ARIH1: variants seen among roughly 807,000 people sequenced by gnomAD.
The protein encoded by ARIH1 is E3 ubiquitin-protein ligase ARIH1.
ARIH1 carries 8 observed loss-of-function variants against 85.0 expected under a neutral mutation model. The observed-to-expected ratio is 0.09, with a 90% CI of 0.06 to 0.17. ARIH1 has a LOEUF of 0.17. Among genes scored for constraint, ARIH1 ranks in the 10% least tolerant of loss-of-function variants. The probability of loss-of-function intolerance (pLI) is 1.00; values close to 1 mark genes in which losing one functional copy is unlikely to be tolerated. For missense variants in ARIH1, 311 were observed against 718.1 expected (o/e 0.43, Z 6.48); for synonymous variants, 238 against 253.6 (o/e 0.94, Z 0.59).
chr15:72,532,192 C>T (rs1478840908), intron 2 of ARIH1, among the ~76,000 whole-genome samples: 2 of 144,488 alleles, frequency 1.4e-5, no homozygotes, highest in Non-Finnish European at 3.0e-5. Flanking sequence ...AGACTGATAA[C>T]GTTGACACTT....
chr15:72,486,447 G>A (rs775375360), intron 1 of ARIH1, among the ~76,000 whole-genome samples: 11 of 151,894 alleles, frequency 7.2e-5, no homozygotes, highest in Non-Finnish European at 1.2e-4. Context: ...GTATAAGTTC[G>A]GTATTACCTA....
At chr15:72,487,943 T>C (rs370682982) in intron 1 of ARIH1, among the ~76,000 whole-genome samples, 1 of 152,212 alleles carries the variant, frequency 6.6e-6, no homozygotes. Flanking sequence ...CCAGTTGCAC[T>C]GTTTGTAATT....
rs1420853481 is a variant in ARIH1, at chr15:72,586,827, T to C, written c.*3535T>C. On this transcript the variant is annotated 3_prime_UTR_variant, in exon 14 of 14. Coordinates refer to ENST00000379887, the MANE Select transcript of ARIH1 (RefSeq NM_005744.5). ...TGTTGTAACAGTGATACAAAAATGTTCAATAGCTCTTTGAATGCCACTTTT... is the reference window on the plus strand; with the variant it reads ...TGTTGTAACAGTGATACAAAAATGTCCAATAGCTCTTTGAATGCCACTTTT... 1.3e-5 allele frequency: 2 copies of C among 159,862 alleles called. No homozygotes were observed. Among genetic ancestry groups the C allele is most frequent in the African/African-American group, 4.8e-5 (2 of 41,496 alleles). 9.9% of individuals were successfully genotyped at this position (159,862 alleles called of 1,614,324 possible). A position where few individuals can be genotyped will look rare whatever the true frequency, so the allele number is the denominator to read the frequency against.
At chr15:72,496,711 C>A in intron 1 of ARIH1, 1 of 742,600 alleles carries the variant, frequency 1.3e-6, no homozygotes, top group South Asian at 6.1e-5. Flanking sequence ...TTATATATAC[C>A]TTGATTTTAA....
At chr15:72,533,201 TCACTGCAGCCCCCTA>T (rs1268999904) in intron 2 of ARIH1, among the ~76,000 whole-genome samples, 2 of 152,148 alleles carry the variant, frequency 1.3e-5, no homozygotes, top group African/African-American at 4.8e-5. Context: ...AGATCATGGC[TCACTGCAGCCCCCTA>T]CCTGCCAGGT....
chr15:72,599,633 C>T lies in ARIH1; in HGVS notation c.*16341C>T, dbSNP rs1208091165. 6.6e-6 allele frequency: 1 copy of T among 152,148 alleles called. No individual in the cohort carries two copies. Among genetic ancestry groups the T allele is most frequent in the Non-Finnish European group, 1.5e-5 (1 of 68,038 alleles). The allele number at this position is 152,148 out of a possible 1,614,324, so 9.4% of individuals were successfully genotyped here. Reference sequence around the variant, plus strand: ...TCTGGCGTGAGCTACTGCACCTGGCCTCCCCCTTATTATTTTTTTAAACAT... The same window carrying T: ...TCTGGCGTGAGCTACTGCACCTGGCTTCCCCCTTATTATTTTTTTAAACAT... On this transcript the variant is annotated 3_prime_UTR_variant, in exon 14 of 14. Coordinates refer to ENST00000379887, the MANE Select transcript of ARIH1 (RefSeq NM_005744.5).
chr15:72,560,635 A>G (rs1434339605), intron 5 of ARIH1, among the ~76,000 whole-genome samples: 1 of 152,204 alleles, frequency 6.6e-6, no homozygotes, highest in African/African-American at 2.4e-5. Flanking sequence ...GAAGGGTGGT[A>G]CTTACTGTTT....
intron 1 of ARIH1, among the ~76,000 whole-genome samples, chr15:72,502,229 A>G (rs2063906936): frequency 6.6e-6 from 1 of 152,206 alleles, no homozygotes; most frequent in Non-Finnish European, 1.5e-5. Flanking sequence ...GAAACATTGT[A>G]TTAAAACACT....
chr15:72,549,851 C>T (rs7175376), intron 3 of ARIH1, among the ~76,000 whole-genome samples: 7,423 of 152,036 alleles, frequency 0.049, 246 homozygotes, highest in African/African-American at 0.096. Context: ...CTCTCTTGAT[C>T]GGATGTATTT....
At chr15:72,547,788 T>C (rs1339813867) in intron 3 of ARIH1, among the ~76,000 whole-genome samples, 1 of 152,228 alleles carries the variant, frequency 6.6e-6, no homozygotes, top group African/African-American at 2.4e-5. Context: ...TTACAAGGTT[T>C]CCTTACTTCT....
Position 72,518,079 on chromosome 15 carries a change from A to G in ARIH1, c.388A>G (p.Ile130Val), listed in dbSNP as rs771736875. The change falls in exon 2 of 14, where the codon ATC (isoleucine) becomes GTC (valine). Residue 130 changes from isoleucine (I) to valine (V), a missense_variant. This residue lies in a region of ARIH1 where 104 missense variants were observed against 221.4 expected (regional missense o/e 0.47). Coordinates refer to ENST00000379887, the MANE Select transcript of ARIH1 (RefSeq NM_005744.5). ...VNEVIQNPAT[I>V]TRILLSHFNW... is the part of the protein sequence containing the mutation. ...CCTCCTTCTTTAGAATCCAGCAACT[A>G]TCACAAGAATACTCCTTAGCCACTT... 2 of 1,610,486 alleles carry G rather than the reference A, an allele frequency of 1.2e-6. No homozygotes were observed. The highest frequency in any genetic ancestry group is 1.7e-6 in the Non-Finnish European group (2 of 1,177,512).
intron 5 of ARIH1, among the ~76,000 whole-genome samples, chr15:72,560,209 T>C (rs531106539): frequency 6.6e-6 from 1 of 152,268 alleles, no homozygotes; most frequent in East Asian, 1.9e-4. Flanking sequence ...AAGACAGATA[T>C]TAAACAAATG....
At chr15:72,549,737 A>G (rs1027596222) in intron 3 of ARIH1, among the ~76,000 whole-genome samples, 9 of 152,232 alleles carry the variant, frequency 5.9e-5, no homozygotes, top group Non-Finnish European at 1.3e-4. Context: ...GTTGCTGTGT[A>G]TGTAAAGTGA....
rs2064343224 is a variant in ARIH1 at position 72,591,417 on chromosome 15, T to A, written c.*8125T>A. The A allele has an allele frequency of 6.6e-6, 1 of 152,164 alleles. No individual in the cohort carries two copies. Among genetic ancestry groups the A allele is most frequent in the Admixed American group, 6.5e-5 (1 of 15,272 alleles). 9.4% of individuals were successfully genotyped at this position (152,164 alleles called of 1,614,324 possible). ...GCCAGTTCAGTGCACATTAAATGGC[T>A]GTTCTTAGAATTATGAATCTGAGGC... is the stretch of plus-strand genomic sequence containing the variant. On this transcript the variant is annotated 3_prime_UTR_variant, in exon 14 of 14. Coordinates refer to ENST00000379887, the MANE Select transcript of ARIH1 (RefSeq NM_005744.5).
chr15:72,580,522 A>G (rs927536012), intron 11 of ARIH1: 2 of 541,518 alleles, frequency 3.7e-6, no homozygotes, highest in African/African-American at 3.8e-5. Flanking sequence ...ATTTTCCATA[A>G]TGGCTATACT....
At position 72,591,219 on chromosome 15, in the gene ARIH1, C is replaced by CAAAAAAAAAAAAAAAAA. The variant is rs972468873; in HGVS notation, c.*7935_*7951dup. On this transcript the variant is annotated 3_prime_UTR_variant, in exon 14 of 14. Coordinates refer to ENST00000379887, the MANE Select transcript of ARIH1 (RefSeq NM_005744.5). The stretch of plus-strand genomic sequence containing the variant: ...CCTGGGCGACAGAGAGACTCTGTCT[C>CAAAAAAAAAAAAAAAAA]AAAAAAAAAAAAAAAAAAAAAAAAG... 2.3e-5 allele frequency: 1 copy of CAAAAAAAAAAAAAAAAA among 44,094 alleles called. No individual in the cohort carries two copies. Among genetic ancestry groups the CAAAAAAAAAAAAAAAAA allele is most frequent in the Non-Finnish European group, 5.1e-5 (1 of 19,564 alleles). The allele number at this position is 44,094 out of a possible 1,614,324, so 2.7% of individuals were successfully genotyped here. A position where few individuals can be genotyped will look rare whatever the true frequency, so the allele number is the denominator to read the frequency against.
chr15:72,593,497 ATTT>A lies in ARIH1; in HGVS notation c.*10208_*10210del, dbSNP rs1478964652. ...TAGGTCTGTGATCCATCTCAAATTA[ATTT>A]TTGTGAACAGAATGAGGTTTGGTTT... is the stretch of plus-strand genomic sequence containing the variant. On this transcript the variant is annotated 3_prime_UTR_variant, in exon 14 of 14. Transcript: ENST00000379887. 3.3e-5 allele frequency: 5 copies of A among 152,214 alleles called. No homozygotes were observed. The highest frequency in any genetic ancestry group is 1.2e-4 in the African/African-American group (5 of 41,458). 9.4% of individuals were successfully genotyped at this position (152,214 alleles called of 1,614,324 possible). A position where few individuals can be genotyped will look rare whatever the true frequency, so the allele number is the denominator to read the frequency against.
At chr15:72,545,109 A>C in intron 3 of ARIH1, 145 bp downstream of exon 3, 2 of 707,136 alleles carry the variant, frequency 2.8e-6, no homozygotes, top group Non-Finnish European at 2.0e-6. Flanking sequence ...GTGTGAGGAA[A>C]GGAAGAAAAA....
At chr15:72,512,509 G>A (rs552190743) in intron 1 of ARIH1, among the ~76,000 whole-genome samples, 40 of 147,742 alleles carry the variant, frequency 2.7e-4, no homozygotes, top group Non-Finnish European at 4.4e-4. Flanking sequence ...TTTGTTTCTC[G>A]GTTTTTTTCT....
Sources: gnomAD v4.1 joint callset for allele counts (sites outside exome capture counted in the v4.1 genomes callset) on GRCh38, gnomAD v4.1.1 for gene constraint, gnomAD v4.1.1 regional missense constraint, MANE v1.5 for transcripts, NCBI Gene and HGNC (gene_info 2026-07-23, HGNC 2026-07-21) for gene names.